Variants in TMEM161B observed in about 807,000 individuals in gnomAD.
TMEM161B encodes transmembrane protein 161B.
Under a neutral mutation model 61.8 loss-of-function variants are expected in TMEM161B, and 34 were observed. The observed-to-expected ratio is 0.55, with a 90% CI of 0.42 to 0.73. TMEM161B has a LOEUF of 0.73. Ranked by LOEUF, TMEM161B falls within the 30% of genes least tolerant of loss-of-function variation. The pLI is 0.00. For missense variants in TMEM161B, 456 were observed against 558.5 expected (o/e 0.82, Z 1.85); for synonymous variants, 167 against 192.8 (o/e 0.87, Z 1.11).
chr5:88,220,355 T>G (rs1478832206), intron 5 of TMEM161B, among the ~76,000 whole-genome samples: 1 of 152,116 alleles, frequency 6.6e-6, no homozygotes, highest in Admixed American at 6.5e-5. Context: ...TAGACTTGGA[T>G]AAGAAAAAGC....
At chr5:88,229,350 G>GAGACCTTAGTTC (rs1175132322) in intron 2 of TMEM161B, among the ~76,000 whole-genome samples, 1 of 152,052 alleles carries the variant, frequency 6.6e-6, no homozygotes, top group Non-Finnish European at 1.5e-5. Flanking sequence ...CCCTACTGCA[G>GAGACCTTAGTTC]AGACCTTAGT....
At chr5:88,193,001 C>G (rs1310574855), downstream of TMEM161B, among the ~76,000 whole-genome samples, 1 of 152,076 alleles carries the variant, frequency 6.6e-6, no homozygotes, top group African/African-American at 2.4e-5. Context: ...AGAAATGCCA[C>G]TATTTTACCA....
Position 88,224,404 on chromosome 5 carries a change from C to T in TMEM161B, c.289+1365G>A, listed in dbSNP as rs185200358. On this transcript the variant is annotated intron_variant, in intron 4 of 11. Transcript: ENST00000296595. ...TTGTTATCAACTTAGATGCCTTTCCCTTCTAGGATTCAAATAATTTCATAT... is the reference window on the plus strand; with the variant it reads ...TTGTTATCAACTTAGATGCCTTTCCTTTCTAGGATTCAAATAATTTCATAT... Among the ~76,000 whole-genome samples the T allele has an allele frequency of 4.2e-4, 64 of 152,248 alleles. 1 individual carries two copies. Among genetic ancestry groups the T allele is most frequent in the African/African-American group, 1.4e-3 (58 of 41,550 alleles).
intron 1 of TMEM161B, among the ~76,000 whole-genome samples, chr5:88,250,193 A>G (rs963004204): frequency 2.7e-5 from 4 of 148,540 alleles, no homozygotes; most frequent in African/African-American, 7.4e-5. Flanking sequence ...AAGAGAGAGA[A>G]AGAGAGAGAG....
chr5:88,262,989 A>G (rs1755876936), intron 1 of TMEM161B, among the ~76,000 whole-genome samples: 1 of 152,188 alleles, frequency 6.6e-6, no homozygotes, highest in Non-Finnish European at 1.5e-5. Flanking sequence ...CTTTAAAAAA[A>G]CACATTTCTA....
At position 88,225,030 on chromosome 5, in the gene TMEM161B, C is replaced by T. The variant is rs377126360; in HGVS notation, c.289+739G>A. 1.8e-4 allele frequency among the ~76,000 whole-genome samples: 23 copies of T among 130,392 alleles called. 1 individual carries two copies. In the South Asian group the frequency reaches 2.5e-3, roughly 14 times the overall value. 85.5% of individuals were successfully genotyped at this position (130,392 alleles called of 152,430 possible). On this transcript the variant is annotated intron_variant, in intron 4 of 11. Transcript: ENST00000296595. ...TCGCCCAGGCTGGAGTGCGGTGGTG[C>T]GATCTCGGCTCACTGCAACCTCCGC...
downstream of TMEM161B, among the ~76,000 whole-genome samples, chr5:88,194,049 G>A (rs1259202776): frequency 6.6e-6 from 1 of 152,094 alleles, no homozygotes; most frequent in African/African-American, 2.4e-5. Context: ...CTATATGGGT[G>A]TATTGCACAA....
At chr5:88,235,545 TG>T (rs1159969889) in intron 2 of TMEM161B, among the ~76,000 whole-genome samples, 2 of 152,094 alleles carry the variant, frequency 1.3e-5, no homozygotes, top group Non-Finnish European at 2.9e-5. Context: ...AGAACTAGCT[TG>T]TTCTCTTTCC....
At chr5:88,263,293 T>C (rs955583014) in intron 1 of TMEM161B, among the ~76,000 whole-genome samples, 9 of 152,132 alleles carry the variant, frequency 5.9e-5, no homozygotes, top group African/African-American at 1.9e-4. Context: ...ACATATTACA[T>C]GCCCATTTCA....
intron 5 of TMEM161B, among the ~76,000 whole-genome samples, chr5:88,208,497 C>A (rs1032779038): frequency 6.6e-6 from 1 of 151,942 alleles, no homozygotes; most frequent in Non-Finnish European, 1.5e-5. Flanking sequence ...AAAAAATTAG[C>A]CGGGCATGGT....
chr5:88,203,631 C>T (rs1320789841), intron 8 of TMEM161B, among the ~76,000 whole-genome samples: 1 of 151,274 alleles, frequency 6.6e-6, no homozygotes, highest in Non-Finnish European at 1.5e-5. Context: ...ACTGAGGAAC[C>T]TTTTAACGTG....
rs80346566 is a variant in TMEM161B, at chr5:88,250,166, T to C, written c.4-9250A>G. ...GATTTTTACCATTCACTCTGCCAGT[T>C]TGCACAGAGAGAGAGAAAGAGAGAG... On this transcript the variant is annotated intron_variant, in intron 1 of 11. Transcript: ENST00000296595. Among the ~76,000 whole-genome samples, 719 of 151,644 alleles carry C rather than the reference T, an allele frequency of 4.7e-3. 10 individuals carry two copies. The highest frequency in any genetic ancestry group is 0.017 in the African/African-American group (685 of 41,338).
rs567472960 is a variant in TMEM161B at position 88,230,059 on chromosome 5, G to GCAT, written c.108-1534_108-1532dup. 1.1e-4 allele frequency among the ~76,000 whole-genome samples: 17 copies of GCAT among 152,088 alleles called. 1 individual carries two copies. The South Asian group carries it at 3.5e-3, about 32-fold the overall frequency. ...ATTAAAAAACTAGCCAGGTCTGGTG[G>GCAT]CATGCACCTGTGGTCGGGGGAGAGG... is the stretch of plus-strand genomic sequence containing the variant. On this transcript the variant is annotated intron_variant, in intron 2 of 11. Coordinates refer to ENST00000296595, the MANE Select transcript of TMEM161B (RefSeq NM_153354.5).
chr5:88,185,877 T>C (rs912575728), downstream of TMEM161B, among the ~76,000 whole-genome samples: 4 of 152,228 alleles, frequency 2.6e-5, no homozygotes, highest in Admixed American at 1.3e-4. Context: ...AAAAAATGTT[T>C]GTATTGCTTT....
chr5:88,263,898 A>G (rs1756007011), intron 1 of TMEM161B, among the ~76,000 whole-genome samples: 1 of 152,202 alleles, frequency 6.6e-6, no homozygotes, highest in Admixed American at 6.5e-5. Context: ...CAGTGAAGGA[A>G]AGCAGTCAGA....
chr5:88,243,825 T>C (rs2112675271), intron 1 of TMEM161B, among the ~76,000 whole-genome samples: 1 of 152,066 alleles, frequency 6.6e-6, no homozygotes, highest in Admixed American at 6.6e-5. Context: ...TGGTTTTGAT[T>C]TACATTTCTC....
chr5:88,208,604 T>A (rs963811443), intron 5 of TMEM161B, among the ~76,000 whole-genome samples: 1 of 152,168 alleles, frequency 6.6e-6, no homozygotes, highest in Non-Finnish European at 1.5e-5. Flanking sequence ...ATAGCACCAC[T>A]GCACTCCAGT....
At chr5:88,196,510 T>C (rs879225840) in intron 11 of TMEM161B, 22 bp from the exon 12 acceptor site, 18 of 1,545,060 alleles carry the variant, frequency 1.2e-5, no homozygotes, top group Admixed American at 1.1e-4. Flanking sequence ...AAGACACAAA[T>C]ACAATTTGAA....
At chr5:88,186,227 A>C (rs1748350794), downstream of TMEM161B, among the ~76,000 whole-genome samples, 1 of 152,344 alleles carries the variant, frequency 6.6e-6, no homozygotes, top group South Asian at 2.1e-4. Context: ...TCTTTTGCAG[A>C]AACAGATGTC....
Sources: allele counts gnomAD v4.1 joint callset (sites outside exome capture counted in the v4.1 genomes callset), GRCh38; gene constraint gnomAD v4.1.1; transcripts MANE v1.5; gene names NCBI Gene and HGNC (gene_info 2026-07-23, HGNC 2026-07-21).